The following TSPAN18 variants were observed in gnomAD, a reference collection of about 807,000 sequenced individuals.
The protein encoded by TSPAN18 is tetraspanin-18.
In TSPAN18, 14 loss-of-function variants were observed where a neutral mutation model predicts 27.3. The observed-to-expected ratio is 0.51, with a 90% CI of 0.34 to 0.80. The LOEUF is 0.80. TSPAN18 is among the 30% of genes least tolerant of loss of function. The pLI is 0.01. For synonymous variants in TSPAN18, 143 were observed against 136.5 expected, an observed-to-expected ratio of 1.05 and a Z score of -0.33; for missense variants, 268 against 323.9, an observed-to-expected ratio of 0.83 and a Z score of 1.32.
At position 44,776,327 on chromosome 11, in the gene TSPAN18, C is replaced by A. The variant is rs570791500; in HGVS notation, c.-153+11815C>A. Among the ~76,000 whole-genome samples, 5 of 152,326 alleles carry A rather than the reference C, an allele frequency of 3.3e-5. No individual in the cohort carries two copies. In the South Asian group the frequency reaches 1.0e-3, roughly 32 times the overall value. The stretch of plus-strand genomic sequence containing the variant: ...GTGGAGGGGCTGGGACTGAAGCCAG[C>A]AGAGACAGCTGTGGTATTGGCCCTG... On this transcript the variant is annotated intron_variant, in intron 2 of 9. Coordinates refer to ENST00000520358, the MANE Select transcript of TSPAN18 (RefSeq NM_130783.5).
intron 3 of TSPAN18, chr11:44,897,825 C>CCAGGTGA: frequency 2.3e-6 from 3 of 1,289,398 alleles, no homozygotes; most frequent in Non-Finnish European, 3.0e-6. Flanking sequence ...GAAGAACTGC[C>CCAGGTGA]CAGGTGACAC....
At chr11:44,795,090 C>G (rs1377207883) in intron 2 of TSPAN18, among the ~76,000 whole-genome samples, 1 of 147,152 alleles carries the variant, frequency 6.8e-6, no homozygotes, top group Non-Finnish European at 1.5e-5. Context: ...CCACCCCCAC[C>G]CCCGGGGTCT....
chr11:44,923,266 G>A (rs1176556822), intron 8 of TSPAN18, among the ~76,000 whole-genome samples: 1 of 152,164 alleles, frequency 6.6e-6, no homozygotes, highest in Non-Finnish European at 1.5e-5. Context: ...AGGCCTGGCT[G>A]CCCCTCATCA....
chr11:44,869,304 G>C lies in TSPAN18; in HGVS notation c.-11+8835G>C, dbSNP rs377735075. On this transcript the variant is annotated intron_variant, in intron 3 of 9. Coordinates refer to ENST00000520358, the MANE Select transcript of TSPAN18 (RefSeq NM_130783.5). ...CTTTGAAAAAAGTCATTCCCATGCTGTGCAAAGGCCTTGGGTTGAAATCCT... is the reference window on the plus strand; with the variant it reads ...CTTTGAAAAAAGTCATTCCCATGCTCTGCAAAGGCCTTGGGTTGAAATCCT... Among the ~76,000 whole-genome samples, 8 of 152,308 alleles carry C rather than the reference G, an allele frequency of 5.3e-5. No individual in the cohort carries two copies. In the East Asian group the frequency reaches 1.2e-3, roughly 22 times the overall value.
chr11:44,911,927 T>TCCCC (rs1491374269), intron 5 of TSPAN18, among the ~76,000 whole-genome samples: 79 of 18,804 alleles, frequency 4.2e-3, no homozygotes, highest in Admixed American at 4.6e-3. Flanking sequence ...ATCCTTCCCC[T>TCCCC]TCCCCTCCCC....
At chr11:44,819,000 C>CCTGGCCAT (rs1565163680) in intron 2 of TSPAN18, among the ~76,000 whole-genome samples, 2 of 152,144 alleles carry the variant, frequency 1.3e-5, no homozygotes, top group Admixed American at 1.3e-4. Context: ...GAGTAAACAG[C>CCTGGCCAT]CTGGCCATTT....
At chr11:44,771,833 A>G (rs1372140554) in intron 2 of TSPAN18, among the ~76,000 whole-genome samples, 1 of 152,232 alleles carries the variant, frequency 6.6e-6, no homozygotes, top group Non-Finnish European at 1.5e-5. Flanking sequence ...GAGCATTAAT[A>G]CATTTTGATA....
intron 2 of TSPAN18, among the ~76,000 whole-genome samples, chr11:44,787,838 G>A (rs1377585680): frequency 6.6e-6 from 1 of 152,150 alleles, no homozygotes; most frequent in Non-Finnish European, 1.5e-5. Flanking sequence ...GGAGTTCTCA[G>A]AAGACCCCAA....
chr11:44,801,997 A>C (rs1856490903), intron 2 of TSPAN18, among the ~76,000 whole-genome samples: 1 of 152,060 alleles, frequency 6.6e-6, no homozygotes, highest in Non-Finnish European at 1.5e-5. Context: ...AAGTCACTGC[A>C]CTCCAGCCTG....
At chr11:44,871,213 A>G (rs1396664062) in intron 3 of TSPAN18, among the ~76,000 whole-genome samples, 1 of 152,156 alleles carries the variant, frequency 6.6e-6, no homozygotes, top group African/African-American at 2.4e-5. Flanking sequence ...TAAACAACAA[A>G]TATTTATTTC....
At chr11:44,849,927 G>C (rs2135185619) in intron 2 of TSPAN18, among the ~76,000 whole-genome samples, 1 of 152,282 alleles carries the variant, frequency 6.6e-6, no homozygotes, top group Non-Finnish European at 1.5e-5. Flanking sequence ...TCAGTTGGGT[G>C]GGGGGCATCC....
At chr11:44,841,160 C>A (rs889134194) in intron 2 of TSPAN18, among the ~76,000 whole-genome samples, 1 of 152,146 alleles carries the variant, frequency 6.6e-6, no homozygotes, top group Non-Finnish European at 1.5e-5. Flanking sequence ...TGGCTGCCTA[C>A]ATGGAGCTTA....
chr11:44,790,283 TCGTG>T (rs1463587173), intron 2 of TSPAN18, among the ~76,000 whole-genome samples: 1 of 148,664 alleles, frequency 6.7e-6, no homozygotes, highest in Non-Finnish European at 1.5e-5. Context: ...GTGCATGTGT[TCGTG>T]TATGTGCATG....
chr11:44,748,333 G>A (rs1191252744), intron 1 of TSPAN18, among the ~76,000 whole-genome samples: 4 of 151,958 alleles, frequency 2.6e-5, no homozygotes, highest in Non-Finnish European at 4.4e-5. Flanking sequence ...CAGAGGCGGC[G>A]GTTGCAATGA....
intron 1 of TSPAN18, among the ~76,000 whole-genome samples, chr11:44,755,471 C>A (rs1471817765): frequency 2.0e-5 from 3 of 151,674 alleles, no homozygotes; most frequent in African/African-American, 4.9e-5. Flanking sequence ...AGGTGGAGAG[C>A]CCGGCAGACA....
At chr11:44,877,476 C>T (rs757498530) in intron 3 of TSPAN18, among the ~76,000 whole-genome samples, 6 of 152,090 alleles carry the variant, frequency 3.9e-5, no homozygotes, top group Admixed American at 1.3e-4. Flanking sequence ...ACACAGAGAA[C>T]GTTTTCTAGA....
At chr11:44,922,713 C>A (rs1860189466) in intron 8 of TSPAN18, among the ~76,000 whole-genome samples, 1 of 152,158 alleles carries the variant, frequency 6.6e-6, no homozygotes. Context: ...TACCAGCCTT[C>A]GTGATGGGTC....
chr11:44,824,200 G>A (rs981158034), intron 2 of TSPAN18, among the ~76,000 whole-genome samples: 5 of 152,102 alleles, frequency 3.3e-5, no homozygotes, highest in Admixed American at 6.5e-5. Context: ...TTTCCCCTCC[G>A]CTAGGGAAGG....
intron 2 of TSPAN18, among the ~76,000 whole-genome samples, chr11:44,858,372 G>A (rs1857791208): frequency 6.9e-6 from 1 of 145,848 alleles, no homozygotes; most frequent in Non-Finnish European, 1.5e-5. Context: ...TAGAGGAGGA[G>A]AAGCTCCTCT....
Sources: allele counts gnomAD v4.1 joint callset (sites outside exome capture counted in the v4.1 genomes callset), GRCh38; gene constraint gnomAD v4.1.1; transcripts MANE v1.5; gene names NCBI Gene and HGNC (gene_info 2026-07-23, HGNC 2026-07-21).